Variants in ATG7 observed in about 807,000 individuals in gnomAD.
ATG7 encodes the protein ubiquitin-like modifier-activating enzyme ATG7.
A neutral mutation model predicts 82.4 loss-of-function variants in ATG7; 70 were observed. The observed-to-expected ratio is 0.85, with a 90% CI of 0.70 to 1.04. The LOEUF is 1.04. Ranked by LOEUF, ATG7 falls within the 50% of genes least tolerant of loss-of-function variation. ATG7 has a pLI of 0.00. For synonymous variants in ATG7, 287 were observed against 313.0 expected (o/e 0.92, Z 0.88); for missense variants, 792 against 864.3 (o/e 0.92, Z 1.05).
At chr3:11,510,269 G>A (rs868522429) in intron 20 of ATG7, 2 of 456,402 alleles carry the variant, frequency 4.4e-6, no homozygotes, top group African/African-American at 4.0e-5. Context: ...TGCCTGTCCT[G>A]AAATAGATCT....
intron 20 of ATG7, among the ~76,000 whole-genome samples, chr3:11,500,973 G>A (rs2091277244): frequency 1.3e-5 from 2 of 152,170 alleles, no homozygotes; most frequent in Non-Finnish European, 2.9e-5. Context: ...AAAATAATAG[G>A]GCCGGGCATG....
chr3:11,450,988 A>G (rs979278891), intron 20 of ATG7, among the ~76,000 whole-genome samples: 10 of 152,306 alleles, frequency 6.6e-5, no homozygotes, highest in African/African-American at 2.2e-4. Flanking sequence ...ACCTTAGTAT[A>G]TTGCCTTGCC....
chr3:11,461,431 C>T (rs1197384585), intron 20 of ATG7, among the ~76,000 whole-genome samples: 7 of 152,108 alleles, frequency 4.6e-5, no homozygotes, highest in African/African-American at 7.2e-5. Flanking sequence ...TCTTTTCTTC[C>T]CTTAAGAGAA....
intron 19 of ATG7, among the ~76,000 whole-genome samples, chr3:11,380,257 G>T (rs1054772000): frequency 7.2e-5 from 11 of 152,278 alleles, no homozygotes; most frequent in African/African-American, 2.4e-4. Flanking sequence ...AAAATGTGTA[G>T]GGAGACTGAG....
intron 5 of ATG7, 71 bp from the exon 6 acceptor site, chr3:11,306,871 GT>G: frequency 4.3e-6 from 5 of 1,153,942 alleles, no homozygotes; most frequent in Non-Finnish European, 6.5e-6. Flanking sequence ...TCCCACTACA[GT>G]GGTGGTTGAC....
chr3:11,355,943 A>G (rs2594972), intron 14 of ATG7, among the ~76,000 whole-genome samples: 95,145 of 152,052 alleles, frequency 0.63, 29,895 homozygotes, highest in East Asian at 0.68. Context: ...ACCATCAACA[A>G]GAGAATCGAT....
chr3:11,402,348 G>A (rs2079914058), intron 19 of ATG7, among the ~76,000 whole-genome samples: 3 of 152,208 alleles, frequency 2.0e-5, no homozygotes, highest in African/African-American at 7.2e-5. Context: ...TGGGAGGATT[G>A]CTTGAATCCA....
chr3:11,561,163 T>C (rs2125109660), downstream of ATG7, among the ~76,000 whole-genome samples: 1 of 152,242 alleles, frequency 6.6e-6, no homozygotes, highest in South Asian at 2.1e-4. Context: ...CTCCCTTTTG[T>C]GCTCAGCCGG....
intron 19 of ATG7, among the ~76,000 whole-genome samples, chr3:11,412,917 G>A (rs1205793584): frequency 6.6e-6 from 1 of 152,024 alleles, no homozygotes; most frequent in East Asian, 1.9e-4. Context: ...TCTTTCACCT[G>A]AAGTTAATTC....
chr3:11,359,950 C>T (rs1383827731), intron 15 of ATG7, among the ~76,000 whole-genome samples: 1 of 150,132 alleles, frequency 6.7e-6, no homozygotes, highest in Non-Finnish European at 1.5e-5. Context: ...CTACCTCTTG[C>T]CAGATAAGTG....
intron 20 of ATG7, among the ~76,000 whole-genome samples, chr3:11,457,600 A>T (rs150335988): frequency 6.6e-6 from 1 of 152,276 alleles, no homozygotes; most frequent in East Asian, 1.9e-4. Flanking sequence ...AGGGGGAAAC[A>T]TTTCCGGAAC....
chr3:11,309,365 A>G (rs902799259), intron 7 of ATG7, among the ~76,000 whole-genome samples: 5 of 152,248 alleles, frequency 3.3e-5, no homozygotes, highest in Middle Eastern at 3.4e-3. Flanking sequence ...GTTAAATACC[A>G]TCCTAAATAC....
At chr3:11,349,664 A>G (rs1184620606) in intron 14 of ATG7, among the ~76,000 whole-genome samples, 1 of 152,210 alleles carries the variant, frequency 6.6e-6, no homozygotes, top group Non-Finnish European at 1.5e-5. Flanking sequence ...TTAGGAGTGT[A>G]TATATTTTTA....
In ATG7 at chr3:11,464,508, C is replaced by T. The variant is rs930693414; in HGVS notation, c.2079+37582C>T. ...GAGGCTGAACATTCTTAGCTGGCAG[C>T]CTGGTTCCTAGGACACCAGCACACT... On this transcript the variant is annotated intron_variant, in intron 20 of 20. Transcript: ENST00000693202. Among the ~76,000 whole-genome samples the T allele has an allele frequency of 3.3e-5, 5 of 152,336 alleles. No individual in the cohort carries two copies. In the East Asian group the frequency reaches 7.7e-4, roughly 23 times the overall value.
intron 19 of ATG7, among the ~76,000 whole-genome samples, chr3:11,408,938 T>C (rs2080624594): frequency 6.6e-6 from 1 of 152,214 alleles, no homozygotes; most frequent in Admixed American, 6.5e-5. Flanking sequence ...TGCTTACTTG[T>C]ATATCTTCTT....
At chr3:11,438,065 A>G (rs1445479414) in intron 20 of ATG7, among the ~76,000 whole-genome samples, 2 of 152,222 alleles carry the variant, frequency 1.3e-5, no homozygotes, top group South Asian at 2.1e-4. Context: ...CCACTTAAGC[A>G]TATCTTTTTA....
chr3:11,528,836 A>C (rs2092638547), intron 20 of ATG7, among the ~76,000 whole-genome samples: 1 of 151,878 alleles, frequency 6.6e-6, no homozygotes, highest in Non-Finnish European at 1.5e-5. Flanking sequence ...AAAAAAAAAA[A>C]AAAAAAAAAA....
At chr3:11,530,615 C>G (rs1442567765) in intron 20 of ATG7, among the ~76,000 whole-genome samples, 1 of 152,154 alleles carries the variant, frequency 6.6e-6, no homozygotes, top group Non-Finnish European at 1.5e-5. Flanking sequence ...CCTCCTGACC[C>G]CACCCTCCAG....
intron 20 of ATG7, among the ~76,000 whole-genome samples, chr3:11,487,755 T>C (rs2089886397): frequency 1.7e-4 from 1 of 5,716 alleles, no homozygotes; most frequent in Non-Finnish European, 3.4e-4. Context: ...CCCCCCCAGC[T>C]CCCTCCCGGA....
Sources: allele counts gnomAD v4.1 joint callset (sites outside exome capture counted in the v4.1 genomes callset), GRCh38; gene constraint gnomAD v4.1.1; transcripts MANE v1.5; gene names NCBI Gene and HGNC (gene_info 2026-07-23, HGNC 2026-07-21).